Variants in TAFA4 observed in about 807,000 individuals in gnomAD.
TAFA4 encodes chemokine-like protein TAFA-4.
Under a neutral mutation model 21.1 loss-of-function variants are expected in TAFA4, and 20 were observed. The ratio of observed to expected loss-of-function variants is 0.95; its 90% CI spans 0.67 to 1.38. The LOEUF is 1.38. Among genes scored for constraint, TAFA4 ranks in the 40% most tolerant of loss-of-function variants. TAFA4 has a pLI of 0.00. For missense variants in TAFA4, 211 were observed against 180.9 expected (o/e 1.17, Z -0.95); for synonymous variants, 71 against 67.4 (o/e 1.05, Z -0.26).
chr3:68,918,903 A>C (rs1310722483), intron 1 of TAFA4, among the ~76,000 whole-genome samples: 2 of 139,590 alleles, frequency 1.4e-5, no homozygotes, highest in Non-Finnish European at 3.1e-5. Flanking sequence ...TTCAAATTGC[A>C]ATTCACTTTG....
chr3:68,750,840 T>C (rs113808653), intron 4 of TAFA4, among the ~76,000 whole-genome samples: 2,500 of 152,230 alleles, frequency 0.016, 74 homozygotes, highest in African/African-American at 0.056. Flanking sequence ...TAGAGAGCAA[T>C]CTGTGATTAG....
At chr3:68,902,849 T>C (rs552682850) in intron 1 of TAFA4, among the ~76,000 whole-genome samples, 12 of 152,310 alleles carry the variant, frequency 7.9e-5, no homozygotes, top group African/African-American at 2.6e-4. Flanking sequence ...TACAATATTA[T>C]GCAAAGTAGC....
chr3:68,748,722 C>A (rs550700661), intron 4 of TAFA4, among the ~76,000 whole-genome samples: 33 of 137,274 alleles, frequency 2.4e-4, no homozygotes, highest in African/African-American at 8.9e-4. Flanking sequence ...CCAGCCTGGG[C>A]GAAAAAGCGA....
chr3:68,889,937 G>C (rs941787924), intron 1 of TAFA4, among the ~76,000 whole-genome samples: 1 of 152,130 alleles, frequency 6.6e-6, no homozygotes, highest in African/African-American at 2.4e-5. Flanking sequence ...ACACATATAC[G>C]TAGCCATAAA....
chr3:68,781,681 A>G (rs1180005813), intron 3 of TAFA4, among the ~76,000 whole-genome samples: 1 of 152,122 alleles, frequency 6.6e-6, no homozygotes, highest in Non-Finnish European at 1.5e-5. Flanking sequence ...TTTTCCTAAC[A>G]TTTAAAGAAG....
intron 1 of TAFA4, among the ~76,000 whole-genome samples, chr3:68,892,025 T>C (rs754487033): frequency 3.9e-5 from 6 of 152,156 alleles, no homozygotes; most frequent in Non-Finnish European, 8.8e-5. Context: ...AGTGTGCTGA[T>C]GAAAGTAAAT....
chr3:68,914,916 C>T (rs994504238), intron 1 of TAFA4, among the ~76,000 whole-genome samples: 1 of 152,164 alleles, frequency 6.6e-6, no homozygotes, highest in African/African-American at 2.4e-5. Context: ...ATTCATATTT[C>T]AGTATTCATA....
At chr3:68,925,557 A>T (rs906841544) in intron 1 of TAFA4, among the ~76,000 whole-genome samples, 3 of 152,210 alleles carry the variant, frequency 2.0e-5, no homozygotes, top group Non-Finnish European at 4.4e-5. Flanking sequence ...AAAAGGTAGA[A>T]TTGAAGGACT....
chr3:68,814,988 C>T (rs1382194401), intron 3 of TAFA4, among the ~76,000 whole-genome samples: 2 of 151,958 alleles, frequency 1.3e-5, no homozygotes, highest in Non-Finnish European at 2.9e-5. Flanking sequence ...GGAACAGAAC[C>T]GAGGCCTCAA....
intron 1 of TAFA4, among the ~76,000 whole-genome samples, chr3:68,928,720 G>A (rs1054577983): frequency 1.3e-5 from 2 of 152,148 alleles, no homozygotes; most frequent in African/African-American, 4.8e-5. Flanking sequence ...AGAAGCCAAT[G>A]TGGCCCTCCT....
intron 4 of TAFA4, among the ~76,000 whole-genome samples, chr3:68,741,671 G>A (rs1702355280): frequency 6.6e-6 from 1 of 151,934 alleles, no homozygotes; most frequent in Admixed American, 6.6e-5. Context: ...GGTGCTTGTA[G>A]TCCCAAGCTA....
intron 3 of TAFA4, among the ~76,000 whole-genome samples, chr3:68,844,388 T>C (rs1704739529): frequency 6.6e-6 from 1 of 152,120 alleles, no homozygotes; most frequent in Non-Finnish European, 1.5e-5. Flanking sequence ...TTTTATTGTG[T>C]CTATTTGATT....
chr3:68,867,323 A>T (rs1332811594), intron 3 of TAFA4, among the ~76,000 whole-genome samples: 1 of 152,146 alleles, frequency 6.6e-6, no homozygotes, highest in Non-Finnish European at 1.5e-5. Flanking sequence ...AGAATACTGC[A>T]CCCAGAAAAG....
chr3:68,867,169 T>C (rs2089430620), intron 3 of TAFA4, among the ~76,000 whole-genome samples: 1 of 152,030 alleles, frequency 6.6e-6, no homozygotes, highest in African/African-American at 2.4e-5. Flanking sequence ...AAAGAGAGGA[T>C]GCTAAAAGCA....
At chr3:68,882,887 G>A (rs899012150) in intron 2 of TAFA4, 2 of 152,212 alleles carry the variant, frequency 1.3e-5, no homozygotes, top group Admixed American at 6.5e-5. Context: ...TCAAAGCAGA[G>A]AGGCTCCATG....
At chr3:68,915,758 A>T (rs1394484742) in intron 1 of TAFA4, among the ~76,000 whole-genome samples, 1 of 152,176 alleles carries the variant, frequency 6.6e-6, no homozygotes, top group Non-Finnish European at 1.5e-5. Flanking sequence ...ATTGTAGCTA[A>T]ATCTCCCTAA....
Position 68,803,686 on chromosome 3 carries a change from T to TG in TAFA4, c.131-50669dup, listed in dbSNP as rs541501348. 6.5e-3 allele frequency among the ~76,000 whole-genome samples: 919 copies of TG among 140,386 alleles called. 10 individuals carry two copies. The highest frequency in any genetic ancestry group is 0.024 in the African/African-American group (888 of 36,470). 92.1% of individuals were successfully genotyped at this position (140,386 alleles called of 152,430 possible). On this transcript the variant is annotated intron_variant, in intron 3 of 5. Coordinates refer to ENST00000295569, the MANE Select transcript of TAFA4 (RefSeq NM_182522.5). ...TTTGTTTTTCAATAGCTTCAGTAAG[T>TG]GGGAAAAAAAAAAAACAGGGATGTG... is the stretch of plus-strand genomic sequence containing the variant.
intron 1 of TAFA4, among the ~76,000 whole-genome samples, chr3:68,906,268 T>C (rs1471060545): frequency 2.6e-5 from 4 of 152,204 alleles, no homozygotes; most frequent in African/African-American, 9.6e-5. Context: ...GAAAATCAGG[T>C]ATTGATTACA....
intron 3 of TAFA4, among the ~76,000 whole-genome samples, chr3:68,755,867 T>C (rs1030778283): frequency 1.3e-5 from 2 of 152,184 alleles, no homozygotes; most frequent in African/African-American, 4.8e-5. Context: ...TGGTTTGCCA[T>C]GTACATGATT....
Sources: gnomAD v4.1 joint callset for allele counts (sites outside exome capture counted in the v4.1 genomes callset) on GRCh38, gnomAD v4.1.1 for gene constraint, MANE v1.5 for transcripts, NCBI Gene and HGNC (gene_info 2026-07-23, HGNC 2026-07-21) for gene names.